The following DENND5A variants were observed in gnomAD, a reference collection of about 807,000 sequenced individuals.
DENND5A encodes the protein DENN domain containing 5A.
Under a neutral mutation model 140.3 loss-of-function variants are expected in DENND5A, and 64 were observed. That is an observed-to-expected ratio of 0.46 (90% CI 0.37 to 0.56). The LOEUF is 0.56. DENND5A is among the 20% of genes least tolerant of loss of function. DENND5A has a pLI of 0.00. For missense variants in DENND5A, 1,292 were observed against 1,593.8 expected (o/e 0.81, Z 3.22); for synonymous variants, 605 against 607.7 (o/e 1.00, Z 0.07).
intron 4 of DENND5A, among the ~76,000 whole-genome samples, chr11:9,196,271 G>T (rs1202162533): frequency 6.6e-6 from 1 of 151,796 alleles, no homozygotes; most frequent in African/African-American, 2.4e-5. Context: ...TGACTTGTAT[G>T]TGCAGATAAA....
At chr11:9,234,504 T>C (rs908515023) in intron 1 of DENND5A, among the ~76,000 whole-genome samples, 1 of 152,066 alleles carries the variant, frequency 6.6e-6, no homozygotes, top group East Asian at 1.9e-4. Context: ...AGTGGAAACC[T>C]TGTTGGGAAC....
chr11:9,199,838 C>T (rs534736389), intron 4 of DENND5A, among the ~76,000 whole-genome samples: 2 of 152,308 alleles, frequency 1.3e-5, no homozygotes, highest in South Asian at 2.1e-4. Context: ...ATTAATATAA[C>T]TACTTCAAGA....
chr11:9,142,623 G>T, intron 21 of DENND5A, 99 bp downstream of exon 21: 1 of 1,432,250 alleles, frequency 7.0e-7, no homozygotes, highest in Non-Finnish European at 9.5e-7. Flanking sequence ...CACCTAATTT[G>T]GGTTCTGCCT....
intron 4 of DENND5A, 178 bp downstream of exon 4, chr11:9,203,482 T>G: frequency 1.6e-6 from 1 of 623,282 alleles, no homozygotes; most frequent in East Asian, 2.9e-5. Context: ...AGATAGTTAA[T>G]CAGAAATACT....
intron 1 of DENND5A, among the ~76,000 whole-genome samples, chr11:9,257,199 G>C (rs1179778287): frequency 6.6e-6 from 1 of 151,756 alleles, no homozygotes. Context: ...TAGTAGAGAC[G>C]GGGTTTCATC....
intron 10 of DENND5A, among the ~76,000 whole-genome samples, chr11:9,167,021 T>C (rs1482879975): frequency 6.6e-6 from 1 of 152,086 alleles, no homozygotes; most frequent in Non-Finnish European, 1.5e-5. Context: ...TCATAAAGTA[T>C]AAAATTAAGG....
intron 22 of DENND5A, among the ~76,000 whole-genome samples, chr11:9,141,279 T>C (rs1847229115): frequency 6.6e-6 from 1 of 152,204 alleles, no homozygotes; most frequent in African/African-American, 2.4e-5. Flanking sequence ...GATTTTGATC[T>C]TTCCTTTCAA....
At chr11:9,159,266 T>C (rs1286577699) in intron 12 of DENND5A, among the ~76,000 whole-genome samples, 1 of 152,136 alleles carries the variant, frequency 6.6e-6, no homozygotes, top group African/African-American at 2.4e-5. Flanking sequence ...ATCTGGGTCA[T>C]AATAGCCACA....
Position 9,156,520 on chromosome 11 carries a change from G to A in DENND5A, c.2437-4078C>T, listed in dbSNP as rs149120087. ...CCTGAGCCTGTAATCCCAGCTACTC[G>A]TGAGGCTGAGGCAGGGGAACTGCTT... On this transcript the variant is annotated intron_variant, in intron 12 of 22. Transcript: ENST00000328194. Among the ~76,000 whole-genome samples the A allele has an allele frequency of 5.7e-3, 863 of 152,018 alleles. 11 individuals are homozygous for A. Among genetic ancestry groups the A allele is most frequent in the African/African-American group, 0.02 (832 of 41,448 alleles).
At chr11:9,252,997 T>C (rs1851796554) in intron 1 of DENND5A, among the ~76,000 whole-genome samples, 1 of 150,766 alleles carries the variant, frequency 6.6e-6, no homozygotes, top group Admixed American at 6.7e-5. Flanking sequence ...ACCACAGACA[T>C]ACACCACTAC....
chr11:9,181,200 G>C, intron 5 of DENND5A, 116 bp from the exon 6 acceptor site: 1 of 825,898 alleles, frequency 1.2e-6, no homozygotes, highest in Non-Finnish European at 1.9e-6. Flanking sequence ...GGCTATATTT[G>C]AGATATGGTA....
chr11:9,164,478 C>T (rs1403163671), intron 11 of DENND5A, among the ~76,000 whole-genome samples: 1 of 151,902 alleles, frequency 6.6e-6, no homozygotes, highest in Non-Finnish European at 1.5e-5. Flanking sequence ...ATTTTTATTC[C>T]ATTGATAAAT....
At chr11:9,261,739 C>T (rs893795874) in intron 1 of DENND5A, among the ~76,000 whole-genome samples, 1 of 138,186 alleles carries the variant, frequency 7.2e-6, no homozygotes, top group Non-Finnish European at 1.5e-5. Context: ...TATTGCAGCA[C>T]TGCATTCCAG....
chr11:9,205,613 C>T (rs1010578334), intron 3 of DENND5A, among the ~76,000 whole-genome samples: 2 of 152,152 alleles, frequency 1.3e-5, no homozygotes, highest in African/African-American at 4.8e-5. Flanking sequence ...TAATAGAAGG[C>T]CAGGTGCAGT....
chr11:9,238,405 C>T (rs902537233), intron 1 of DENND5A, among the ~76,000 whole-genome samples: 3 of 151,060 alleles, frequency 2.0e-5, no homozygotes, highest in Admixed American at 6.6e-5. Flanking sequence ...AGAATTTGTG[C>T]ACTTTACTGT....
intron 15 of DENND5A, among the ~76,000 whole-genome samples, chr11:9,147,656 G>T (rs1847477704): frequency 6.6e-6 from 1 of 152,208 alleles, no homozygotes; most frequent in African/African-American, 2.4e-5. Context: ...TCAGAGGCGA[G>T]AAAGGGCAGG....
At chr11:9,250,059 A>AAT (rs1554935695) in intron 1 of DENND5A, among the ~76,000 whole-genome samples, 2 of 151,646 alleles carry the variant, frequency 1.3e-5, no homozygotes, top group African/African-American at 2.4e-5. Context: ...AAAAAAAAAA[A>AAT]ATCCTTAAAA....
At position 9,258,436 on chromosome 11, in the gene DENND5A, T is replaced by A. The variant is rs571236580; in HGVS notation, c.109+6525A>T. 2.6e-5 allele frequency among the ~76,000 whole-genome samples: 4 copies of A among 152,296 alleles called. No individual in the cohort carries two copies. In the South Asian group the frequency reaches 8.3e-4, roughly 32 times the overall value. ...ATGACGGTTTCCAGCTTCATCCATG[T>A]CCCTGCAAAGGACATGAACTCATCC... On this transcript the variant is annotated intron_variant, in intron 1 of 22. Coordinates refer to ENST00000328194, the MANE Select transcript of DENND5A (RefSeq NM_015213.4).
At chr11:9,212,391 T>C (rs1336427813) in intron 1 of DENND5A, among the ~76,000 whole-genome samples, 1 of 152,152 alleles carries the variant, frequency 6.6e-6, no homozygotes, top group Admixed American at 6.5e-5. Context: ...TTCCCAAATT[T>C]GGTAAAAGAC....
Sources: allele counts gnomAD v4.1 joint callset (sites outside exome capture counted in the v4.1 genomes callset), GRCh38; gene constraint gnomAD v4.1.1; transcripts MANE v1.5; gene names NCBI Gene and HGNC (gene_info 2026-07-23, HGNC 2026-07-21).